Variants in ASCC1 observed in about 807,000 individuals in gnomAD.
ASCC1 encodes ASC-1 complex subunit P50.
ASCC1 carries 35 observed loss-of-function variants against 46.6 expected under a neutral mutation model. The observed-to-expected ratio is 0.75, with a 90% CI of 0.57 to 0.99. The LOEUF (loss-of-function observed/expected upper bound fraction) is 0.99. Ranked by LOEUF, ASCC1 falls within the 50% of genes least tolerant of loss-of-function variation. The pLI, the probability that ASCC1 is intolerant of heterozygous loss-of-function variation, is 0.00. For synonymous variants in ASCC1, 143 were observed against 146.6 expected, an observed-to-expected ratio of 0.98 and a Z score of 0.18; for missense variants, 376 against 428.7, an observed-to-expected ratio of 0.88 and a Z score of 1.09.
intron 9 of ASCC1, chr10:72,102,545 T>C (rs1392018176): frequency 7.1e-6 from 5 of 701,926 alleles, no homozygotes; most frequent in Admixed American, 6.5e-5. Flanking sequence ...CAAATACATG[T>C]ATTTCCTCTA....
chr10:72,210,403 AC>A (rs1369847477), intron 3 of ASCC1, among the ~76,000 whole-genome samples: 4 of 151,348 alleles, frequency 2.6e-5, no homozygotes, highest in African/African-American at 9.7e-5. Context: ...CAGGTGATCC[AC>A]CCGCCTCAGC....
intron 5 of ASCC1, among the ~76,000 whole-genome samples, chr10:72,183,044 CT>C (rs1359356933): frequency 1.4e-3 from 196 of 135,356 alleles, no homozygotes; most frequent in East Asian, 7.2e-3. Context: ...CAAAAAATTT[CT>C]TTTTTTTTTT....
At chr10:72,108,946 T>C (rs963940927) in intron 9 of ASCC1, among the ~76,000 whole-genome samples, 1 of 152,128 alleles carries the variant, frequency 6.6e-6, no homozygotes, top group East Asian at 1.9e-4. Context: ...AAGACCAAAA[T>C]AGGAACATCT....
chr10:72,117,077 C>T (rs1262518318), intron 9 of ASCC1, among the ~76,000 whole-genome samples: 8 of 152,232 alleles, frequency 5.3e-5, no homozygotes, highest in Non-Finnish European at 7.4e-5. Context: ...GGATTACAGG[C>T]GTGAGCCACC....
intron 7 of ASCC1, among the ~76,000 whole-genome samples, chr10:72,151,602 AG>A (rs1848337260): frequency 6.6e-6 from 1 of 152,220 alleles, no homozygotes; most frequent in South Asian, 2.1e-4. Flanking sequence ...AATAAAAAAA[AG>A]AGTAAACATT....
At chr10:72,183,313 G>A (rs1852929378) in intron 5 of ASCC1, among the ~76,000 whole-genome samples, 1 of 152,142 alleles carries the variant, frequency 6.6e-6, no homozygotes, top group Admixed American at 6.5e-5. Context: ...AAAGTACTGG[G>A]ATGACAGGTG....
intron 5 of ASCC1, among the ~76,000 whole-genome samples, chr10:72,187,222 T>C (rs930188220): frequency 1.8e-4 from 28 of 152,212 alleles, no homozygotes; most frequent in African/African-American, 6.3e-4. Context: ...TTCTGATGGT[T>C]CAGTGATATT....
chr10:72,167,735 C>T (rs112788013), intron 5 of ASCC1, among the ~76,000 whole-genome samples: 4 of 151,528 alleles, frequency 2.6e-5, no homozygotes, highest in African/African-American at 7.3e-5. Flanking sequence ...CTCCTGGCCT[C>T]AAGCGATCCT....
intron 3 of ASCC1, among the ~76,000 whole-genome samples, chr10:72,206,146 T>C (rs987248494): frequency 7.3e-5 from 11 of 150,582 alleles, no homozygotes; most frequent in African/African-American, 2.7e-4. Context: ...GGCTCACGCC[T>C]GTAATCCCTG....
intron 9 of ASCC1, among the ~76,000 whole-genome samples, chr10:72,118,093 C>T (rs554577479): frequency 6.6e-6 from 1 of 152,312 alleles, no homozygotes; most frequent in Admixed American, 6.5e-5. Context: ...TTCGGCCGGA[C>T]ATGGTGGCTC....
chr10:72,198,715 C>T (rs1343412632), intron 4 of ASCC1: 4 of 455,592 alleles, frequency 8.8e-6, no homozygotes, highest in South Asian at 3.1e-5. Context: ...AAATATCACA[C>T]GAATGCAACT....
chr10:72,216,701 G>A, upstream of ASCC1: 1 of 389,366 alleles, frequency 2.6e-6, no homozygotes, highest in Non-Finnish European at 5.1e-6. Context: ...ATATGAATGC[G>A]AGGTCATCCC....
rs771743762 is a variant in ASCC1, at chr10:72,097,400, G to T, written c.1008C>A (p.Ile336=). Residue 336 remains isoleucine (I), a synonymous_variant, in exon 10 of 10, where the codon ATC becomes ATA. Transcript: ENST00000672957. ...AGCTGTCTACGGTGAACCTCTGAGAGATGTGAATTGAATTCAGCTTTAGGG... is the reference window on the plus strand; with the variant it reads ...AGCTGTCTACGGTGAACCTCTGAGATATGTGAATTGAATTCAGCTTTAGGG... ...FGSLKLNSIH[I]SQRFTVDSFG... The T allele has an allele frequency of 3.1e-6, 5 of 1,613,982 alleles. No individual in the cohort carries two copies. The highest frequency in any genetic ancestry group is 4.2e-6 in the Non-Finnish European group (5 of 1,179,846).
chr10:72,185,383 T>TA lies in ASCC1; in HGVS notation c.489+11427dup, dbSNP rs199563514. Among the ~76,000 whole-genome samples, 33 of 152,302 alleles carry TA rather than the reference T, an allele frequency of 2.2e-4. No homozygotes were observed. In the East Asian group the frequency reaches 6.2e-3, roughly 28 times the overall value. ...CAAACATCTATCAGAGTTGAATAGA[T>TA]AAAGAAATCTCCAGCTATAAACAAT... is the stretch of plus-strand genomic sequence containing the variant. On this transcript the variant is annotated intron_variant, in intron 5 of 9. Transcript: ENST00000672957.
At chr10:72,107,323 A>C (rs1842452361) in intron 9 of ASCC1, among the ~76,000 whole-genome samples, 1 of 147,488 alleles carries the variant, frequency 6.8e-6, no homozygotes. Flanking sequence ...AAAAAAATAA[A>C]TTTTGTTTCA....
intron 9 of ASCC1, among the ~76,000 whole-genome samples, chr10:72,107,333 A>G (rs1646536328): frequency 6.8e-6 from 1 of 147,082 alleles, no homozygotes; most frequent in South Asian, 2.2e-4. Flanking sequence ...ATTTTGTTTC[A>G]AAGTTATGTT....
intron 7 of ASCC1, among the ~76,000 whole-genome samples, chr10:72,141,309 A>G (rs1846985247): frequency 1.3e-5 from 2 of 152,192 alleles, no homozygotes; most frequent in Admixed American, 1.3e-4. Context: ...TCTACAGTGA[A>G]TACTTTCCCA....
intron 7 of ASCC1, among the ~76,000 whole-genome samples, chr10:72,142,782 C>T (rs1197484751): frequency 6.6e-6 from 1 of 152,098 alleles, no homozygotes; most frequent in African/African-American, 2.4e-5. Flanking sequence ...CCTCCTGTTC[C>T]TGATACTTCG....
chr10:72,208,106 A>G (rs1454629486), intron 3 of ASCC1, among the ~76,000 whole-genome samples: 1 of 152,132 alleles, frequency 6.6e-6, no homozygotes, highest in Non-Finnish European at 1.5e-5. Flanking sequence ...CTGGGATTAC[A>G]GGTATGAGCC....
Sources: allele counts gnomAD v4.1 joint callset (sites outside exome capture counted in the v4.1 genomes callset), GRCh38; gene constraint gnomAD v4.1.1; transcripts MANE v1.5; gene names NCBI Gene and HGNC (gene_info 2026-07-23, HGNC 2026-07-21).